The following FAM240B variants were observed in gnomAD, a reference collection of about 807,000 sequenced individuals.
FAM240B encodes family with sequence similarity 240 member B.
intron 2 of FAM240B, among the ~76,000 whole-genome samples, chr9:38,697,068 C>T (rs539691392): frequency 6.6e-5 from 10 of 152,296 alleles, no homozygotes; most frequent in Non-Finnish European, 1.2e-4. Flanking sequence ...TCTTTTAAAG[C>T]TCACTAATAA....
intron 2 of FAM240B, among the ~76,000 whole-genome samples, chr9:38,696,993 T>A (rs557462744): frequency 6.6e-6 from 1 of 152,320 alleles, no homozygotes; most frequent in South Asian, 2.1e-4. Context: ...CTTTTTTTGT[T>A]ACACATCTCT....
intron 2 of FAM240B, among the ~76,000 whole-genome samples, chr9:38,702,432 T>C (rs907198332): frequency 8.5e-5 from 13 of 152,256 alleles, no homozygotes; most frequent in African/African-American, 3.1e-4. Context: ...GGAATCACAG[T>C]GCTCTGCTGT....
intron 1 of FAM240B, among the ~76,000 whole-genome samples, chr9:38,707,922 G>A (rs1375566379): frequency 6.6e-6 from 1 of 152,094 alleles, no homozygotes; most frequent in Non-Finnish European, 1.5e-5. Flanking sequence ...TTTTCATAGA[G>A]TAGCTTGAGA....
intron 2 of FAM240B, among the ~76,000 whole-genome samples, chr9:38,695,518 C>T (rs57394800): frequency 6.6e-6 from 1 of 152,142 alleles, no homozygotes; most frequent in East Asian, 1.9e-4. Flanking sequence ...GAGCAAGACT[C>T]CGTCTCAAAA....
intron 1 of FAM240B, among the ~76,000 whole-genome samples, chr9:38,706,889 A>C (rs1821197658): frequency 6.6e-6 from 1 of 152,242 alleles, no homozygotes. Context: ...TTACATTTTC[A>C]TTCATAGAAC....
chr9:38,717,097 G>A (rs1308161633), intron 1 of FAM240B, among the ~76,000 whole-genome samples: 1 of 152,122 alleles, frequency 6.6e-6, no homozygotes, highest in Non-Finnish European at 1.5e-5. Context: ...CCCTCGGGAA[G>A]GTGTGGAGGG....
intron 1 of FAM240B, among the ~76,000 whole-genome samples, chr9:38,715,878 C>T (rs555250359): frequency 3.4e-4 from 52 of 152,238 alleles, no homozygotes; most frequent in African/African-American, 1.3e-3. Context: ...CGAAATAAAA[C>T]AAAGTGAAAG....
At chr9:38,711,245 T>C (rs547774155) in intron 1 of FAM240B, among the ~76,000 whole-genome samples, 33 of 152,234 alleles carry the variant, frequency 2.2e-4, no homozygotes, top group African/African-American at 5.8e-4. Context: ...AAAACTAGAC[T>C]CCCTCTGACA....
At chr9:38,707,384 G>A (rs915523585) in intron 1 of FAM240B, among the ~76,000 whole-genome samples, 7 of 152,086 alleles carry the variant, frequency 4.6e-5, no homozygotes, top group Admixed American at 1.3e-4. Context: ...ATTTACTCTA[G>A]CAGATACTGT....
chr9:38,702,747 T>C (rs2119002780), intron 2 of FAM240B, among the ~76,000 whole-genome samples: 1 of 151,348 alleles, frequency 6.6e-6, no homozygotes, highest in East Asian at 2.0e-4. Context: ...CCCAAGAATC[T>C]TGGTACATAT....
chr9:38,715,032 ACT>A (rs1268272936), intron 1 of FAM240B, among the ~76,000 whole-genome samples: 1 of 152,194 alleles, frequency 6.6e-6, no homozygotes, highest in Non-Finnish European at 1.5e-5. Flanking sequence ...ATATGGGAAC[ACT>A]CTGTACTATC....
At chr9:38,712,644 A>T (rs992868410) in intron 1 of FAM240B, among the ~76,000 whole-genome samples, 1 of 152,236 alleles carries the variant, frequency 6.6e-6, no homozygotes, top group African/African-American at 2.4e-5. Context: ...ATGTCTATTC[A>T]TTGGGTGCTG....
chr9:38,713,430 A>T lies in FAM240B; in HGVS notation c.-4+6592T>A, dbSNP rs188982242. Among the ~76,000 whole-genome samples, 178 of 143,950 alleles carry T rather than the reference A, an allele frequency of 1.2e-3. 1 individual carries two copies. The Middle Eastern group carries it at 0.02, about 16-fold the overall frequency. The allele number at this position is 143,950 out of a possible 152,430, so 94.4% of individuals were successfully genotyped here. On this transcript the variant is annotated intron_variant, in intron 1 of 2. Transcript: ENST00000637493. ...GAGGGAGAGCTTGCAGTGAGCCGAGATCACGCCACTGCACTCCAGCCTGGG... is the reference window on the plus strand; with the variant it reads ...GAGGGAGAGCTTGCAGTGAGCCGAGTTCACGCCACTGCACTCCAGCCTGGG...
intron 1 of FAM240B, among the ~76,000 whole-genome samples, chr9:38,718,057 A>G (rs1821329518): frequency 6.6e-6 from 1 of 152,260 alleles, no homozygotes; most frequent in Non-Finnish European, 1.5e-5. Context: ...AGGGCCATAC[A>G]ATAAACACTG....
At chr9:38,705,633 T>C (rs1317328776) in intron 1 of FAM240B, 1 of 151,916 alleles carries the variant, frequency 6.6e-6, no homozygotes, top group Admixed American at 6.5e-5. Flanking sequence ...ATAACATTTA[T>C]TATTTTATAT....
intron 1 of FAM240B, among the ~76,000 whole-genome samples, chr9:38,708,973 C>T (rs551171505): frequency 6.6e-6 from 1 of 152,054 alleles, no homozygotes; most frequent in South Asian, 2.1e-4. Context: ...TCCAGTGAAG[C>T]CTTTAGCAAA....
chr9:38,716,798 C>A (rs1480907518), intron 1 of FAM240B, among the ~76,000 whole-genome samples: 1 of 152,168 alleles, frequency 6.6e-6, no homozygotes, highest in Non-Finnish European at 1.5e-5. Flanking sequence ...CTTAAGAGTG[C>A]GCTCTAGCCA....
chr9:38,701,597 C>T (rs1389526337), intron 2 of FAM240B, among the ~76,000 whole-genome samples: 1 of 152,194 alleles, frequency 6.6e-6, no homozygotes, highest in Non-Finnish European at 1.5e-5. Flanking sequence ...GGGAGCCTCG[C>T]TTCCCCAGCT....
chr9:38,701,907 A>AACACACAC (rs112042925), intron 2 of FAM240B, among the ~76,000 whole-genome samples: 7,741 of 151,366 alleles, frequency 0.051, 285 homozygotes, highest in Non-Finnish European at 0.085. Context: ...AAAATAGGAG[A>AACACACAC]ACACACACAC....
Sources: allele counts gnomAD v4.1 joint callset (sites outside exome capture counted in the v4.1 genomes callset), GRCh38; gene constraint gnomAD v4.1.1; transcripts MANE v1.5; gene names NCBI Gene and HGNC (gene_info 2026-07-23, HGNC 2026-07-21).